The following TENM2 variants were observed in gnomAD, a reference collection of about 807,000 sequenced individuals.
The protein encoded by TENM2 is teneurin-2.
Under a neutral mutation model 245.2 loss-of-function variants are expected in TENM2, and 52 were observed. That is an observed-to-expected ratio of 0.21 (90% CI 0.17 to 0.27). The LOEUF is 0.27. TENM2 is among the 10% of genes least tolerant of loss of function. The probability of loss-of-function intolerance (pLI) is 1.00; values close to 1 mark genes in which losing one functional copy is unlikely to be tolerated. For missense variants in TENM2, 3,046 were observed against 3,666.8 expected (o/e 0.83, Z 4.37); for synonymous variants, 1,363 against 1,438.9 (o/e 0.95, Z 1.19).
intron 2 of TENM2, among the ~76,000 whole-genome samples, chr5:167,414,286 A>G (rs1372345940): frequency 6.6e-6 from 1 of 152,190 alleles, no homozygotes; most frequent in South Asian, 2.1e-4. Flanking sequence ...ATCTTGTAAA[A>G]TTACCATATT....
the TENM2 span, among the ~76,000 whole-genome samples, chr5:167,049,211 G>A: frequency 2.0e-5 from 3 of 152,170 alleles, no homozygotes; most frequent in African/African-American, 7.2e-5. Context: ...ACCTACACAT[G>A]TGCTTTCTGT....
chr5:167,691,433 T>C (rs1757424284), intron 2 of TENM2, among the ~76,000 whole-genome samples: 1 of 152,200 alleles, frequency 6.6e-6, no homozygotes, highest in Admixed American at 6.5e-5. Flanking sequence ...AGCTCGATAG[T>C]CTGGGTAAAG....
chr5:167,003,532 G>T, the TENM2 span, among the ~76,000 whole-genome samples: 1 of 152,148 alleles, frequency 6.6e-6, no homozygotes, highest in African/African-American at 2.4e-5. Flanking sequence ...ACCAGCTTCT[G>T]TCTTGTAGCA....
intron 2 of TENM2, among the ~76,000 whole-genome samples, chr5:167,848,429 C>T (rs7700480): frequency 0.49 from 74,812 of 151,928 alleles, 19,149 homozygotes; most frequent in Middle Eastern, 0.57. Context: ...TGTTTTACTG[C>T]TTTGGCAAAT....
At chr5:168,108,151 T>C (rs1236855779) in intron 9 of TENM2, among the ~76,000 whole-genome samples, 1 of 152,086 alleles carries the variant, frequency 6.6e-6, no homozygotes, top group Admixed American at 6.5e-5. Context: ...GGATCAATCA[T>C]GCAGCAATAA....
chr5:166,997,915 T>C, the TENM2 span, among the ~76,000 whole-genome samples: 1 of 152,052 alleles, frequency 6.6e-6, no homozygotes, highest in Non-Finnish European at 1.5e-5. Context: ...CAGATAAATA[T>C]AATTTCAGAA....
the TENM2 span, among the ~76,000 whole-genome samples, chr5:167,013,283 C>T: frequency 6.6e-6 from 1 of 152,110 alleles, no homozygotes; most frequent in Non-Finnish European, 1.5e-5. Context: ...ATGTCCTTGA[C>T]TTCTCTACTA....
chr5:167,165,803 A>G, the TENM2 span, among the ~76,000 whole-genome samples: 1 of 152,322 alleles, frequency 6.6e-6, no homozygotes, highest in African/African-American at 2.4e-5. Context: ...TACCTTTTAT[A>G]AAAGTTTATG....
chr5:168,147,617 G>T (rs10077866), intron 12 of TENM2, among the ~76,000 whole-genome samples: 1 of 151,988 alleles, frequency 6.6e-6, no homozygotes, highest in African/African-American at 2.4e-5. Flanking sequence ...AACTAAAGCA[G>T]GCAATGCCAT....
At chr5:167,103,975 T>C in the TENM2 span, among the ~76,000 whole-genome samples, 10 of 152,082 alleles carry the variant, frequency 6.6e-5, no homozygotes, top group Non-Finnish European at 1.2e-4. Flanking sequence ...TTCTCCTCTA[T>C]ACCGACTGGC....
At chr5:167,848,192 G>A (rs1167780033) in intron 2 of TENM2, among the ~76,000 whole-genome samples, 1 of 152,134 alleles carries the variant, frequency 6.6e-6, no homozygotes, top group Non-Finnish European at 1.5e-5. Flanking sequence ...AGAGCTGAGT[G>A]GATCGTGAGA....
the TENM2 span, among the ~76,000 whole-genome samples, chr5:167,209,865 C>T: frequency 6.6e-6 from 1 of 152,108 alleles, no homozygotes; most frequent in Non-Finnish European, 1.5e-5. Flanking sequence ...GCTTCTCTTC[C>T]CTTATTCAAC....
In TENM2 at chr5:167,581,705, A is replaced by T. The variant is rs968839685; in HGVS notation, c.502+206232A>T. On this transcript the variant is annotated intron_variant, in intron 2 of 28. Coordinates refer to ENST00000518659, the Ensembl canonical transcript of TENM2. ...AATAAAGGGGTGAATTCCTAATAAGATACAGTATGAGTACATTCCCGATAA... is the reference window on the plus strand; with the variant it reads ...AATAAAGGGGTGAATTCCTAATAAGTTACAGTATGAGTACATTCCCGATAA... 3.9e-5 allele frequency among the ~76,000 whole-genome samples: 6 copies of T among 152,302 alleles called. No homozygotes were observed. In the East Asian group the frequency reaches 7.7e-4, roughly 20 times the overall value.
chr5:167,636,580 G>A (rs780320574), intron 2 of TENM2, among the ~76,000 whole-genome samples: 40 of 152,160 alleles, frequency 2.6e-4, no homozygotes, highest in Non-Finnish European at 4.6e-4. Flanking sequence ...AGCCCATCTA[G>A]AAGCTTCTTG....
intron 25 of TENM2, among the ~76,000 whole-genome samples, chr5:168,229,218 T>C (rs1424294041): frequency 6.6e-6 from 1 of 152,150 alleles, no homozygotes; most frequent in Non-Finnish European, 1.5e-5. Context: ...AAATTACCTG[T>C]CCAAGGACAC....
the TENM2 span, among the ~76,000 whole-genome samples, chr5:167,142,991 A>G: frequency 2.4e-4 from 37 of 152,226 alleles, no homozygotes; most frequent in Non-Finnish European, 5.9e-5. Flanking sequence ...CTATCTCTAC[A>G]ATGTGTGATA....
At chr5:167,008,333 T>A in the TENM2 span, among the ~76,000 whole-genome samples, 1 of 152,204 alleles carries the variant, frequency 6.6e-6, no homozygotes, top group Admixed American at 6.5e-5. Context: ...TAGTTTTAAA[T>A]TTTTAATAGA....
chr5:167,071,883 C>CCT, the TENM2 span, among the ~76,000 whole-genome samples: 2 of 142,302 alleles, frequency 1.4e-5, no homozygotes, highest in South Asian at 2.5e-4. Context: ...AAATCGCCCC[C>CCT]CCCCGCCCCC....
intron 2 of TENM2, among the ~76,000 whole-genome samples, chr5:167,580,467 C>T (rs931895162): frequency 2.6e-5 from 4 of 152,190 alleles, no homozygotes; most frequent in African/African-American, 9.6e-5. Context: ...TCATTTTAGT[C>T]ATTAACTGGG....
Sources: gnomAD v4.1 joint callset for allele counts (sites outside exome capture counted in the v4.1 genomes callset) on GRCh38, gnomAD v4.1.1 for gene constraint, MANE v1.5 for transcripts, NCBI Gene and HGNC (gene_info 2026-07-23, HGNC 2026-07-21) for gene names.